The following SLCO5A1 variants were observed in gnomAD, a reference collection of about 807,000 sequenced individuals.
SLCO5A1 encodes solute carrier organic anion transporter family member 5A1.
SLCO5A1 carries 39 observed loss-of-function variants against 65.1 expected under a neutral mutation model. The observed-to-expected ratio is 0.60, with a 90% CI of 0.46 to 0.78. SLCO5A1 has a LOEUF of 0.78. Among genes scored for constraint, SLCO5A1 ranks in the 30% least tolerant of loss-of-function variants. SLCO5A1 has a pLI of 0.00. For synonymous variants in SLCO5A1, 438 were observed against 415.7 expected (o/e 1.05, Z -0.65); for missense variants, 1,029 against 1,069.4 (o/e 0.96, Z 0.53).
At chr8:69,747,735 C>A (rs1817104789) in intron 4 of SLCO5A1, among the ~76,000 whole-genome samples, 1 of 152,160 alleles carries the variant, frequency 6.6e-6, no homozygotes. Flanking sequence ...CTTGCAGTTC[C>A]TGTCATTTTT....
In SLCO5A1 at chr8:69,730,510, C is replaced by T. The variant is rs192333375; in HGVS notation, c.1423+7530G>A. ...CAGACCTGGAGAGAAAAACACTGTC[C>T]ACCTTATGTACTGCGAAAGCCCTGG... On this transcript the variant is annotated intron_variant, in intron 5 of 9. Transcript: ENST00000260126. Among the ~76,000 whole-genome samples the T allele has an allele frequency of 9.9e-5, 15 of 152,156 alleles. No individual in the cohort carries two copies. In the East Asian group the frequency reaches 2.5e-3, roughly 25 times the overall value.
At chr8:69,810,346 G>A (rs1820160906) in intron 2 of SLCO5A1, among the ~76,000 whole-genome samples, 1 of 152,190 alleles carries the variant, frequency 6.6e-6, no homozygotes, top group Non-Finnish European at 1.5e-5. Context: ...AGGAGTGAGG[G>A]TAAGAAGCGG....
At chr8:69,776,185 A>G (rs1818543145) in intron 2 of SLCO5A1, among the ~76,000 whole-genome samples, 1 of 152,138 alleles carries the variant, frequency 6.6e-6, no homozygotes, top group Non-Finnish European at 1.5e-5. Context: ...TAATTCCCAT[A>G]TATATATCAT....
chr8:69,695,757 T>C (rs142567660), intron 6 of SLCO5A1, among the ~76,000 whole-genome samples: 4 of 152,284 alleles, frequency 2.6e-5, no homozygotes, highest in African/African-American at 9.6e-5. Context: ...TAGGAAATGA[T>C]GGAGCCAGTA....
intron 7 of SLCO5A1, among the ~76,000 whole-genome samples, chr8:69,680,226 A>T (rs7008004): frequency 0.59 from 89,216 of 151,930 alleles, 26,843 homozygotes; most frequent in African/African-American, 0.72. Flanking sequence ...TGTACAGATG[A>T]TCCCATCACC....
Position 69,722,776 on chromosome 8 carries a change from G to GGTGTGTGTGTGT in SLCO5A1, c.1423+15252_1423+15263dup, listed in dbSNP as rs56353428. Among the ~76,000 whole-genome samples, 1,183 of 148,120 alleles carry GGTGTGTGTGTGT rather than the reference G, an allele frequency of 8.0e-3. 12 individuals are homozygous for GGTGTGTGTGTGT. Among genetic ancestry groups the GGTGTGTGTGTGT allele is most frequent in the African/African-American group, 0.025 (1,027 of 40,304 alleles). The stretch of plus-strand genomic sequence containing the variant: ...TGATGAGATTTGTTAACACATGCAT[G>GGTGTGTGTGTGT]GTGTGTGTGTGTGTGTGTGTGTGTG... On this transcript the variant is annotated intron_variant, in intron 5 of 9. Coordinates refer to ENST00000260126, the MANE Select transcript of SLCO5A1 (RefSeq NM_030958.3).
chr8:69,805,399 C>G (rs1819949972), intron 2 of SLCO5A1, among the ~76,000 whole-genome samples: 1 of 152,152 alleles, frequency 6.6e-6, no homozygotes, highest in South Asian at 2.1e-4. Flanking sequence ...CTCAAATAGG[C>G]TTCGGTAGAA....
At chr8:69,726,159 GC>G (rs1816065294) in intron 5 of SLCO5A1, among the ~76,000 whole-genome samples, 1 of 152,070 alleles carries the variant, frequency 6.6e-6, no homozygotes, top group South Asian at 2.1e-4. Flanking sequence ...GGTAAGTGAA[GC>G]AAAAAACATT....
intron 5 of SLCO5A1, among the ~76,000 whole-genome samples, chr8:69,729,608 T>A: frequency 6.6e-6 from 1 of 152,024 alleles, no homozygotes; most frequent in Non-Finnish European, 1.5e-5. Context: ...AGAGAAAGAA[T>A]CATATAAGAA....
intron 2 of SLCO5A1, among the ~76,000 whole-genome samples, chr8:69,782,817 G>A (rs533280042): frequency 9.9e-5 from 15 of 152,088 alleles, no homozygotes; most frequent in African/African-American, 3.4e-4. Context: ...CTAATACCAG[G>A]CATTTTGTTT....
chr8:69,728,357 C>T (rs2130833484), intron 5 of SLCO5A1, among the ~76,000 whole-genome samples: 1 of 152,186 alleles, frequency 6.6e-6, no homozygotes, highest in East Asian at 1.9e-4. Context: ...TCTGAATGTA[C>T]TTTGTTTATA....
chr8:69,834,735 T>TACACACACACACACACACAC (rs57972006), intron 1 of SLCO5A1, 119 bp downstream of exon 1: 5 of 139,134 alleles, frequency 3.6e-5, no homozygotes, highest in Non-Finnish European at 7.8e-5. Context: ...ACGCACATCC[T>TACACACACACACACACACAC]ACACACACAC....
At chr8:69,774,949 C>G (rs1427419949) in intron 2 of SLCO5A1, among the ~76,000 whole-genome samples, 1 of 152,198 alleles carries the variant, frequency 6.6e-6, no homozygotes, top group Non-Finnish European at 1.5e-5. Flanking sequence ...AAAAGTATTC[C>G]AACTCATTCC....
chr8:69,755,339 G>T, intron 4 of SLCO5A1, 85 bp downstream of exon 4: 1 of 1,087,238 alleles, frequency 9.2e-7, no homozygotes, highest in Non-Finnish European at 1.4e-6. Flanking sequence ...ACAGACAGTG[G>T]GTAGACAGCA....
chr8:69,762,170 C>A (rs866444442), intron 2 of SLCO5A1, among the ~76,000 whole-genome samples: 9 of 84,554 alleles, frequency 1.1e-4, no homozygotes, highest in Non-Finnish European at 2.1e-4. Context: ...TTCTTTCTTT[C>A]TTTCTTTCTT....
chr8:69,790,130 T>C (rs973713610), intron 2 of SLCO5A1, among the ~76,000 whole-genome samples: 148 of 146,378 alleles, frequency 1.0e-3, no homozygotes, highest in African/African-American at 3.3e-3. Context: ...GAGGCGGGGT[T>C]GCAGTGAGCC....
intron 6 of SLCO5A1, among the ~76,000 whole-genome samples, chr8:69,686,144 G>C (rs1402606221): frequency 1.3e-5 from 2 of 149,666 alleles, no homozygotes; most frequent in African/African-American, 5.0e-5. Context: ...CTCCTTTTGA[G>C]TTCCTCTCTA....
At chr8:69,762,943 G>A (rs138525793) in intron 2 of SLCO5A1, among the ~76,000 whole-genome samples, 2,500 of 152,304 alleles carry the variant, frequency 0.016, 75 homozygotes, top group African/African-American at 0.057. Context: ...ATGCCCAAAG[G>A]GGGTGGGGAG....
At position 69,738,148 on chromosome 8, in the gene SLCO5A1, A is replaced by C; in HGVS notation, c.1315T>G (p.Leu439Val). ...LSNMTFLFVS[L>V]SYTAESAIVT... is the part of the protein sequence containing the mutation. Reference sequence around the variant, plus strand: ...ATGGCACTCTCAGCTGTGTATGACAAACTCACAAAAAGGAATGTCATGTTG... The same window carrying C: ...ATGGCACTCTCAGCTGTGTATGACACACTCACAAAAAGGAATGTCATGTTG... Residue 439 changes from leucine (L) to valine (V), a missense_variant, in exon 5 of 10, where the codon TTG (leucine) becomes GTG (valine). By Grantham distance (32) the Leu-to-Val change is conservative. Around this residue, in one of 3 missense-constraint regions of SLCO5A1, gnomAD observed 647 missense variants for 647.5 expected, o/e 1.00. Coordinates refer to ENST00000260126, the MANE Select transcript of SLCO5A1 (RefSeq NM_030958.3). 3 of 1,613,750 alleles carry C rather than the reference A, an allele frequency of 1.9e-6. No individual in the cohort carries two copies. Among genetic ancestry groups the C allele is most frequent in the Non-Finnish European group, 2.5e-6 (3 of 1,179,754 alleles).
Sources: gnomAD v4.1 joint callset for allele counts (sites outside exome capture counted in the v4.1 genomes callset) on GRCh38, gnomAD v4.1.1 for gene constraint, gnomAD v4.1.1 regional missense constraint, MANE v1.5 for transcripts, NCBI Gene and HGNC (gene_info 2026-07-23, HGNC 2026-07-21) for gene names.